Variants in ANKRD62 observed in about 807,000 individuals in gnomAD.
ANKRD62 encodes ankyrin repeat domain-containing protein 62.
A neutral mutation model predicts 98.8 loss-of-function variants in ANKRD62; 61 were observed. The ratio of observed to expected loss-of-function variants is 0.62; its 90% confidence interval spans 0.50 to 0.76. The LOEUF (loss-of-function observed/expected upper bound fraction) is 0.76. Among genes scored for constraint, ANKRD62 ranks in the 30% least tolerant of loss-of-function variants. The pLI is 0.00. For missense variants in ANKRD62, 933 were observed against 1,082.9 expected (o/e 0.86, Z 1.94); for synonymous variants, 341 against 367.9 (o/e 0.93, Z 0.84).
chr18:12,171,715 G>T, the ANKRD62 span, among the ~76,000 whole-genome samples: 1 of 152,118 alleles, frequency 6.6e-6, no homozygotes, highest in African/African-American at 2.4e-5. Flanking sequence ...GTTCTCCTGG[G>T]TAATATCCTG....
At chr18:12,154,885 A>G in the ANKRD62 span, among the ~76,000 whole-genome samples, 1 of 152,198 alleles carries the variant, frequency 6.6e-6, no homozygotes, top group Non-Finnish European at 1.5e-5. Flanking sequence ...ACTGAATACC[A>G]CATGTTCTCA....
chr18:12,180,934 T>C, the ANKRD62 span, among the ~76,000 whole-genome samples: 1 of 115,942 alleles, frequency 8.6e-6, no homozygotes, highest in African/African-American at 3.3e-5. Flanking sequence ...CCTAATGCTA[T>C]CCCTCCCCCC....
chr18:12,114,174 G>A (rs1909608762), intron 8 of ANKRD62, among the ~76,000 whole-genome samples: 1 of 152,010 alleles, frequency 6.6e-6, no homozygotes, highest in Non-Finnish European at 1.5e-5. Context: ...AAAGGATCAG[G>A]AAGAATAACT....
the ANKRD62 span, among the ~76,000 whole-genome samples, chr18:12,166,896 C>G: frequency 6.6e-6 from 1 of 151,852 alleles, no homozygotes; most frequent in Non-Finnish European, 1.5e-5. Context: ...ATGACAGGCC[C>G]CAGTGTGTGA....
Position 12,100,883 on chromosome 18 carries a change from A to G in ANKRD62, c.820+1201A>G, listed in dbSNP as rs576819645. ...TTAGCTAAAATATTATTATAATAATATTCGAATAGCCCAACTCTAGGCTCA... is the reference window on the plus strand; with the variant it reads ...TTAGCTAAAATATTATTATAATAATGTTCGAATAGCCCAACTCTAGGCTCA... On this transcript the variant is annotated intron_variant, in intron 6 of 13. Coordinates refer to ENST00000587848, the MANE Select transcript of ANKRD62 (RefSeq NM_001277333.2). Among the ~76,000 whole-genome samples the G allele has an allele frequency of 2.0e-5, 3 of 152,346 alleles. No homozygotes were observed. In the South Asian group the frequency reaches 6.2e-4, roughly 32 times the overall value.
chr18:12,180,911 A>T, the ANKRD62 span, among the ~76,000 whole-genome samples: 446 of 145,492 alleles, frequency 3.1e-3, 5 homozygotes, highest in African/African-American at 9.6e-3. Context: ...GTCATTTAAC[A>T]TTAGGTATAT....
the ANKRD62 span, among the ~76,000 whole-genome samples, chr18:12,169,615 C>G: frequency 1.3e-5 from 2 of 152,096 alleles, no homozygotes; most frequent in African/African-American, 4.8e-5. Flanking sequence ...GTGTCTCTGC[C>G]AGGCTTTGGT....
intron 8 of ANKRD62, among the ~76,000 whole-genome samples, chr18:12,114,680 A>T (rs1352133556): frequency 6.6e-6 from 1 of 152,192 alleles, no homozygotes; most frequent in Non-Finnish European, 1.5e-5. Context: ...TGTTATCATT[A>T]AAAAAGGGAT....
At chr18:12,155,583 T>G in the ANKRD62 span, among the ~76,000 whole-genome samples, 1 of 152,210 alleles carries the variant, frequency 6.6e-6, no homozygotes, top group Non-Finnish European at 1.5e-5. Flanking sequence ...TGCCTGGGCT[T>G]GGGGGATCTG....
At chr18:12,121,662 T>C (rs1909784871) in intron 10 of ANKRD62, among the ~76,000 whole-genome samples, 1 of 152,190 alleles carries the variant, frequency 6.6e-6, no homozygotes, top group African/African-American at 2.4e-5. Flanking sequence ...ATTTTCTCGC[T>C]TTGTCATGGC....
chr18:12,102,157 G>A (rs8095234), intron 6 of ANKRD62: 5 of 1,147,998 alleles, frequency 4.4e-6, no homozygotes, highest in East Asian at 2.4e-5. Context: ...TCCAAGGCCC[G>A]AGTAACTATG....
At chr18:12,163,450 A>G in the ANKRD62 span, among the ~76,000 whole-genome samples, 1 of 152,096 alleles carries the variant, frequency 6.6e-6, no homozygotes, top group Non-Finnish European at 1.5e-5. Context: ...CATATCATCT[A>G]CAAATAAGGA....
chr18:12,099,618 T>C lies in ANKRD62; in HGVS notation c.756T>C (p.Ile252=), dbSNP rs1431776490. ...DYAVASKFQA[I]RGMISEYKAN... The stretch of plus-strand genomic sequence containing the variant: ...TTTACTGCATTTTGATACATAGCAT[T>C]CGTGGAATGATTTCTGAATATAAAG... The change falls in exon 6 of 14, where the codon ATT becomes ATC. Residue 252 remains isoleucine, a synonymous_variant. Transcript: ENST00000587848. 6.7e-7 allele frequency: 1 copy of C among 1,485,130 alleles called. No individual in the cohort carries two copies. The highest frequency in any genetic ancestry group is 2.2e-5 in the Admixed American group (1 of 45,482). 92.0% of individuals were successfully genotyped at this position (1,485,130 alleles called of 1,614,324 possible).
At chr18:12,104,364 T>C (rs897980159) in intron 7 of ANKRD62, among the ~76,000 whole-genome samples, 2 of 152,144 alleles carry the variant, frequency 1.3e-5, no homozygotes, top group Non-Finnish European at 2.9e-5. Context: ...AAGACAAAGT[T>C]ATCCTTAAAA....
the ANKRD62 span, among the ~76,000 whole-genome samples, chr18:12,172,073 G>T: frequency 3.9e-5 from 6 of 152,120 alleles, no homozygotes; most frequent in African/African-American, 1.4e-4. Context: ...TCTGGGATGG[G>T]TTTGAACATC....
At chr18:12,113,230 G>T (rs1269996945) in intron 8 of ANKRD62, among the ~76,000 whole-genome samples, 1 of 152,072 alleles carries the variant, frequency 6.6e-6, no homozygotes, top group Non-Finnish European at 1.5e-5. Context: ...ACATACACAA[G>T]ATCAACAAAC....
chr18:12,120,894 T>A (rs1909769209), intron 10 of ANKRD62, among the ~76,000 whole-genome samples: 3 of 152,158 alleles, frequency 2.0e-5, no homozygotes, highest in African/African-American at 4.8e-5. Context: ...TATAAGAAAA[T>A]GACAATGGTA....
chr18:12,115,075 G>A lies in ANKRD62; in HGVS notation c.1065-13G>A. ...CTATTTGCCTGATTGGAATTTTTTG[G>A]TTTTTTTTTTAGGCTTGCAAGGAAA... On this transcript the variant is annotated splice_polypyrimidine_tract_variant and intron_variant, in intron 8 of 13. Coordinates refer to ENST00000587848, the MANE Select transcript of ANKRD62 (RefSeq NM_001277333.2). 1 of 1,198,824 alleles carries A rather than the reference G, an allele frequency of 8.3e-7. No homozygotes were observed. Among genetic ancestry groups the A allele is most frequent in the Non-Finnish European group, 1.1e-6 (1 of 927,104 alleles). The allele number at this position is 1,198,824 out of a possible 1,614,324, so 74.3% of individuals were successfully genotyped here.
At chr18:12,139,919 C>T in the ANKRD62 span, among the ~76,000 whole-genome samples, 10 of 152,156 alleles carry the variant, frequency 6.6e-5, no homozygotes, top group South Asian at 2.1e-4. Flanking sequence ...GGAAGTTCTC[C>T]GGGATAATAT....
Sources: allele counts gnomAD v4.1 joint callset (sites outside exome capture counted in the v4.1 genomes callset), GRCh38; gene constraint gnomAD v4.1.1; transcripts MANE v1.5; gene names NCBI Gene and HGNC (gene_info 2026-07-23, HGNC 2026-07-21).